KCNIP4: variants seen among roughly 807,000 people sequenced by gnomAD.
The protein encoded by KCNIP4 is potassium voltage-gated channel interacting protein 4.
A neutral mutation model predicts 34.0 loss-of-function variants in KCNIP4; 12 were observed. That is an observed-to-expected ratio of 0.35 (90% confidence interval 0.23 to 0.57). The LOEUF is 0.57. Ranked by LOEUF, KCNIP4 falls within the 20% of genes least tolerant of loss-of-function variation. The pLI is 0.83. For missense variants in KCNIP4, 238 were observed against 311.7 expected, an observed-to-expected ratio of 0.76 and a Z score of 1.78; for synonymous variants, 124 against 102.2, an observed-to-expected ratio of 1.21 and a Z score of -1.29.
intron 1 of KCNIP4, among the ~76,000 whole-genome samples, chr4:20,986,110 C>T (rs1259321879): frequency 6.6e-6 from 1 of 152,158 alleles, no homozygotes; most frequent in Non-Finnish European, 1.5e-5. Flanking sequence ...TCCAACTCTT[C>T]AGAGGCTCTG....
At chr4:20,746,066 A>G (rs1361790535) in intron 5 of KCNIP4, among the ~76,000 whole-genome samples, 1 of 152,198 alleles carries the variant, frequency 6.6e-6, no homozygotes, top group African/African-American at 2.4e-5. Flanking sequence ...TACTATAAAG[A>G]CACATACACA....
intron 1 of KCNIP4, among the ~76,000 whole-genome samples, chr4:21,277,111 C>T (rs1762493355): frequency 1.3e-5 from 2 of 152,074 alleles, no homozygotes; most frequent in South Asian, 2.1e-4. Context: ...TTCATATAGC[C>T]GTATTCAATT....
intron 1 of KCNIP4, among the ~76,000 whole-genome samples, chr4:21,694,977 A>C (rs114860900): frequency 0.014 from 2,049 of 151,520 alleles, 35 homozygotes; most frequent in African/African-American, 0.04. Context: ...AAAGAAAAAA[A>C]ATCACCCAAG....
intron 1 of KCNIP4, among the ~76,000 whole-genome samples, chr4:21,427,070 T>C (rs1286575206): frequency 6.6e-6 from 1 of 152,224 alleles, no homozygotes; most frequent in East Asian, 1.9e-4. Context: ...TAATTTGGGT[T>C]GGAATTTTCA....
At chr4:21,046,609 G>A (rs1035310954) in intron 1 of KCNIP4, among the ~76,000 whole-genome samples, 1 of 55,274 alleles carries the variant, frequency 1.8e-5, no homozygotes, top group Non-Finnish European at 3.3e-5. Context: ...ATTTATTTTT[G>A]AGATGGAGTT....
intron 1 of KCNIP4, among the ~76,000 whole-genome samples, chr4:21,096,303 C>T (rs1020111183): frequency 3.9e-5 from 6 of 152,156 alleles, no homozygotes; most frequent in African/African-American, 1.4e-4. Flanking sequence ...AATTCAGATC[C>T]TGAAAATCAA....
intron 1 of KCNIP4, among the ~76,000 whole-genome samples, chr4:21,070,022 T>C (rs1284493125): frequency 6.6e-6 from 1 of 152,208 alleles, no homozygotes; most frequent in Non-Finnish European, 1.5e-5. Flanking sequence ...CTCTGGGCAA[T>C]CACTAACCTC....
chr4:20,834,312 G>A (rs554094395), intron 3 of KCNIP4, among the ~76,000 whole-genome samples: 19 of 152,302 alleles, frequency 1.2e-4, no homozygotes, highest in Middle Eastern at 6.8e-3. Flanking sequence ...TTCAGGTGTC[G>A]AATAATGCCT....
At chr4:21,489,600 G>T (rs1824470) in intron 1 of KCNIP4, among the ~76,000 whole-genome samples, 32,910 of 151,862 alleles carry the variant, frequency 0.22, 3,763 homozygotes, top group Admixed American at 0.27. Flanking sequence ...ATATCATTAT[G>T]CATTTGTGTT....
At chr4:21,235,415 T>C (rs1759285476) in intron 1 of KCNIP4, among the ~76,000 whole-genome samples, 1 of 152,158 alleles carries the variant, frequency 6.6e-6, no homozygotes, top group African/African-American at 2.4e-5. Context: ...TTCCCTTTTG[T>C]CAAACATTTG....
At chr4:20,988,000 C>CAAAAAAAATAAAAAAAA (rs1736738624) in intron 1 of KCNIP4, among the ~76,000 whole-genome samples, 1 of 46,318 alleles carries the variant, frequency 2.2e-5, no homozygotes, top group Non-Finnish European at 4.0e-5. Context: ...GATTCCATCT[C>CAAAAAAAATAAAAAAAA]AAAAAAAAAA....
At chr4:20,805,186 CTTTTTT>C (rs10552321) in intron 3 of KCNIP4, among the ~76,000 whole-genome samples, 1,381 of 92,022 alleles carry the variant, frequency 0.015, 30 homozygotes, top group African/African-American at 0.045. Context: ...TAGATGCTTC[CTTTTTT>C]TTTTTTTTTT....
chr4:21,896,187 G>A (rs114287472), intron 1 of KCNIP4, among the ~76,000 whole-genome samples: 1,859 of 152,090 alleles, frequency 0.012, 46 homozygotes, highest in African/African-American at 0.043. Context: ...TATTTGCCAG[G>A]CACTTAAAGT....
At chr4:21,851,339 G>A (rs550006789) in intron 1 of KCNIP4, 2 of 152,226 alleles carry the variant, frequency 1.3e-5, no homozygotes, top group South Asian at 2.1e-4. Flanking sequence ...ATGTATACAG[G>A]GGAGCTAAAT....
At chr4:21,765,828 A>C (rs1718375028) in intron 1 of KCNIP4, among the ~76,000 whole-genome samples, 1 of 151,208 alleles carries the variant, frequency 6.6e-6, no homozygotes, top group Admixed American at 6.6e-5. Context: ...TGAAAAAAAA[A>C]AAAAAAAAAA....
intron 1 of KCNIP4, among the ~76,000 whole-genome samples, chr4:21,908,404 G>A (rs1268904872): frequency 6.6e-6 from 1 of 151,998 alleles, no homozygotes; most frequent in Non-Finnish European, 1.5e-5. Flanking sequence ...CAAGCTCCCC[G>A]TCAAGATCAA....
intron 4 of KCNIP4, among the ~76,000 whole-genome samples, chr4:20,757,808 T>C (rs995448523): frequency 2.0e-5 from 3 of 152,146 alleles, no homozygotes; most frequent in Non-Finnish European, 2.9e-5. Context: ...TGTTGGATGG[T>C]GAGGCATGCC....
At chr4:21,721,499 G>A (rs1034000965) in intron 1 of KCNIP4, among the ~76,000 whole-genome samples, 7 of 152,096 alleles carry the variant, frequency 4.6e-5, no homozygotes, top group East Asian at 1.9e-4. Context: ...TACAAAGTTC[G>A]ACTTCAGCTA....
intron 3 of KCNIP4, among the ~76,000 whole-genome samples, chr4:20,760,843 G>GAGCA (rs923390358): frequency 3.9e-5 from 6 of 152,106 alleles, no homozygotes; most frequent in Admixed American, 3.3e-4. Context: ...AAAAACAAAT[G>GAGCA]AGCAAGCAAG....
Sources: allele counts gnomAD v4.1 joint callset (sites outside exome capture counted in the v4.1 genomes callset), GRCh38; gene constraint gnomAD v4.1.1; transcripts MANE v1.5; gene names NCBI Gene and HGNC (gene_info 2026-07-23, HGNC 2026-07-21).